Variants in MAPK8IP3 observed in about 807,000 individuals in gnomAD.
The protein encoded by MAPK8IP3 is mitogen-activated protein kinase 8 interacting protein 3.
MAPK8IP3 carries 49 observed loss-of-function variants against 157.8 expected under a neutral mutation model. The observed-to-expected ratio is 0.31, with a 90% CI of 0.25 to 0.39. The LOEUF (loss-of-function observed/expected upper bound fraction) is 0.39. MAPK8IP3 is among the 10% of genes least tolerant of loss of function. The pLI is 1.00. For missense variants in MAPK8IP3, 1,478 were observed against 1,889.4 expected, an observed-to-expected ratio of 0.78 and a Z score of 4.04; for synonymous variants, 897 against 777.7, an observed-to-expected ratio of 1.15 and a Z score of -2.55.
At chr16:1,761,188 G>A (rs1226541167) in intron 12 of MAPK8IP3, 36 bp from the exon 13 acceptor site, 1 of 1,562,462 alleles carries the variant, frequency 6.4e-7, no homozygotes, top group African/African-American at 1.4e-5. Flanking sequence ...CCCCTGGGAG[G>A]CCCTCACCCT....
In MAPK8IP3 at chr16:1,766,705, C is replaced by T. The variant is rs764356723; in HGVS notation, c.2940-18C>T. The T allele has an allele frequency of 1.6e-5, 26 of 1,612,648 alleles. No individual in the cohort carries two copies. Among genetic ancestry groups the T allele is most frequent in the Non-Finnish European group, 1.9e-5 (23 of 1,179,904 alleles). ...GGTCCTGGGTGAGCCCCTCGCCCATCGCCGCTTCCTTCCCTAGGCTCTATG... is the reference window on the plus strand; with the variant it reads ...GGTCCTGGGTGAGCCCCTCGCCCATTGCCGCTTCCTTCCCTAGGCTCTATG... On this transcript the variant is annotated intron_variant, in intron 23 of 31. Transcript: ENST00000610761.
intron 8 of MAPK8IP3, chr16:1,752,232 CTCATACCA>C (rs1272992643): frequency 6.0e-6 from 1 of 166,620 alleles, no homozygotes; most frequent in African/African-American, 2.4e-5. Context: ...CAGTCCTTTT[CTCATACCA>C]CGATGGAGGC....
chr16:1,725,496 G>A (rs991032441), intron 2 of MAPK8IP3, among the ~76,000 whole-genome samples: 9 of 151,488 alleles, frequency 5.9e-5, no homozygotes, highest in Non-Finnish European at 1.2e-4. Context: ...GCATGGTGGC[G>A]GGCGCCTGTA....
intron 1 of MAPK8IP3, among the ~76,000 whole-genome samples, chr16:1,716,269 G>T (rs2038142676): frequency 1.3e-5 from 2 of 150,860 alleles, no homozygotes; most frequent in Admixed American, 6.6e-5. Flanking sequence ...AACTGGCTTG[G>T]ATTACTAGAT....
intron 20 of MAPK8IP3, among the ~76,000 whole-genome samples, chr16:1,765,408 A>C (rs1356095608): frequency 6.6e-6 from 1 of 152,120 alleles, no homozygotes; most frequent in Non-Finnish European, 1.5e-5. Context: ...TCAGGACCCC[A>C]CGCTTACCTG....
chr16:1,730,958 G>A (rs914788217), intron 4 of MAPK8IP3, among the ~76,000 whole-genome samples: 4 of 151,688 alleles, frequency 2.6e-5, no homozygotes, highest in East Asian at 1.9e-4. Flanking sequence ...TGGCCAACAC[G>A]GTGAAACCCC....
chr16:1,763,518 C>A, intron 16 of MAPK8IP3, 139 bp from the exon 17 acceptor site: 2 of 1,249,806 alleles, frequency 1.6e-6, no homozygotes, highest in South Asian at 1.9e-5. Context: ...CCCTTCCCAG[C>A]TGGGCACCCG....
chr16:1,729,656 T>C, intron 4 of MAPK8IP3, 78 bp downstream of exon 4: 1 of 1,344,644 alleles, frequency 7.4e-7, no homozygotes, highest in Non-Finnish European at 1.0e-6. Context: ...CATGCCAGGG[T>C]CGTAGTGCTT....
rs560303108 is a variant in MAPK8IP3 at position 1,737,972 on chromosome 16, G to A, written c.603-5360G>A. Among the ~76,000 whole-genome samples the A allele has an allele frequency of 7.0e-4, 58 of 82,358 alleles. 2 individuals carry two copies. Among genetic ancestry groups the A allele is most frequent in the Non-Finnish European group, 1.2e-3 (49 of 42,146 alleles). The allele number at this position is 82,358 out of a possible 152,430, so 54.0% of individuals were successfully genotyped here. A position where few individuals can be genotyped will look rare whatever the true frequency, so the allele number is the denominator to read the frequency against. Reference sequence around the variant, plus strand: ...TGTCCGTGTGAGCGTCCGTGTGAGCGTGTGACCGTCCGTGTGACCATCCAT... The same window carrying A: ...TGTCCGTGTGAGCGTCCGTGTGAGCATGTGACCGTCCGTGTGACCATCCAT... On this transcript the variant is annotated intron_variant, in intron 4 of 31. Transcript: ENST00000610761.
chr16:1,729,186 C>A lies in MAPK8IP3; in HGVS notation c.488C>A (p.Ala163Asp). ...RESEMKKEYNALHQRHTEMIQ... is the reference protein window; with the variant it reads ...RESEMKKEYNDLHQRHTEMIQ... ...TCGGAGATGAAGAAGGAGTACAATGCCCTGCACCAGCGGCACACAGAGGTG... is the reference window on the plus strand; with the variant it reads ...TCGGAGATGAAGAAGGAGTACAATGACCTGCACCAGCGGCACACAGAGGTG... Residue 163 changes from alanine to aspartate, a missense_variant, in exon 3 of 32, where the codon GCC becomes GAC. This residue lies in a region of MAPK8IP3 where 315 missense variants were observed against 394.4 expected (regional missense o/e 0.80). Transcript: ENST00000610761. The A allele has an allele frequency of 1.2e-6, 2 of 1,613,984 alleles. No individual in the cohort carries two copies. The highest frequency in any genetic ancestry group is 1.7e-6 in the Non-Finnish European group (2 of 1,180,016).
In MAPK8IP3 at chr16:1,743,802, A is replaced by C; in HGVS notation, c.747+326A>C. ...GGTTGAGCTTAGTGATCCTCTCTCA[A>C]ACCACACCCCCACATAAAGCCTCAT... is the stretch of plus-strand genomic sequence containing the variant. On this transcript the variant is annotated intron_variant, in intron 5 of 31. Coordinates refer to ENST00000610761, the MANE Select transcript of MAPK8IP3 (RefSeq NM_001318852.2). This position sits in a 1 kb window ranked among gnomAD's most constrained non-coding sequence, Gnocchi z 5.6. 1 of 1,226,664 alleles carries C rather than the reference A, an allele frequency of 8.2e-7. No individual in the cohort carries two copies. 76.0% of individuals were successfully genotyped at this position (1,226,664 alleles called of 1,614,324 possible).
Position 1,767,305 on chromosome 16 carries a change from C to A in MAPK8IP3, c.3237+8C>A, listed in dbSNP as rs1208157995. 6.2e-7 allele frequency: 1 copy of A among 1,612,576 alleles called. No individual in the cohort carries two copies. Among genetic ancestry groups the A allele is most frequent in the Admixed American group, 1.7e-5 (1 of 60,010 alleles). The stretch of plus-strand genomic sequence containing the variant: ...AAGACCATGCAGATAGAGGCGAGTG[C>A]CGGCCAGGGCCCCGGGGAGGGGAAG... On this transcript the variant is annotated splice_region_variant and intron_variant, in intron 26 of 31. Coordinates refer to ENST00000610761, the MANE Select transcript of MAPK8IP3 (RefSeq NM_001318852.2).
In MAPK8IP3 at chr16:1,724,636, C is replaced by T. The variant is rs373144666; in HGVS notation, c.398C>T (p.Thr133Met). The change falls in exon 2 of 32, where the codon ACG becomes ATG. Residue 133 changes from threonine (T) to methionine (M), a missense_variant. Coordinates refer to ENST00000610761, the MANE Select transcript of MAPK8IP3 (RefSeq NM_001318852.2). This position sits in a 1 kb window ranked among gnomAD's most constrained non-coding sequence, Gnocchi z 4.1. ...QIQVEHYEFQ[T>M]RQLELKAKNY... is the part of the protein sequence containing the mutation. ...CAGGTGGAGCACTACGAGTTCCAGA[C>T]GCGCCAGCTGGAGCTGAAGGCCAAG... 6.4e-5 allele frequency: 103 copies of T among 1,613,518 alleles called. No homozygotes were observed. The highest frequency in any genetic ancestry group is 2.4e-4 in the African/African-American group (18 of 74,960).
Position 1,769,552 on chromosome 16 carries a change from G to T in MAPK8IP3, c.*728G>T, listed in dbSNP as rs1428576664. 1.3e-5 allele frequency: 2 copies of T among 152,520 alleles called. No homozygotes were observed. Among genetic ancestry groups the T allele is most frequent in the African/African-American group, 4.8e-5 (2 of 41,454 alleles). The allele number at this position is 152,520 out of a possible 1,614,324, so 9.4% of individuals were successfully genotyped here. On this transcript the variant is annotated 3_prime_UTR_variant, in exon 32 of 32. Coordinates refer to ENST00000610761, the MANE Select transcript of MAPK8IP3 (RefSeq NM_001318852.2). ...CCCCGTTCTGACCCGTGTCCCCCCA[G>T]GCTCTGCCTGGGCAGAAGACTCACC...
intron 8 of MAPK8IP3, among the ~76,000 whole-genome samples, chr16:1,753,273 T>C (rs2041398470): frequency 1.3e-5 from 2 of 152,022 alleles, no homozygotes; most frequent in South Asian, 4.1e-4. Flanking sequence ...TTTTAAGACT[T>C]TTTTGTTTGT....
chr16:1,750,327 C>G (rs886741398), intron 8 of MAPK8IP3, among the ~76,000 whole-genome samples: 1 of 152,026 alleles, frequency 6.6e-6, no homozygotes, highest in Non-Finnish European at 1.5e-5. Flanking sequence ...ATTCTCCTGT[C>G]TCCGCCTCCC....
At chr16:1,768,003 G>A in intron 28 of MAPK8IP3, 66 bp from the exon 29 acceptor site, 1 of 1,609,660 alleles carries the variant, frequency 6.2e-7, no homozygotes. Flanking sequence ...GGCCACCTTG[G>A]AGGGTGCCTT....
chr16:1,736,607 C>T (rs1358585417), intron 4 of MAPK8IP3, among the ~76,000 whole-genome samples: 27 of 42,680 alleles, frequency 6.3e-4, no homozygotes, highest in Admixed American at 9.5e-4. Flanking sequence ...TGTGAGCATC[C>T]GTGTGACCGT....
Position 1,724,448 on chromosome 16 carries a change from G to A in MAPK8IP3, c.319-109G>A, listed in dbSNP as rs1024924997. 8.1e-5 allele frequency: 116 copies of A among 1,434,872 alleles called. No homozygotes were observed. The highest frequency in any genetic ancestry group is 6.9e-5 in the Non-Finnish European group (74 of 1,065,486). The allele number at this position is 1,434,872 out of a possible 1,614,324, so 88.9% of individuals were successfully genotyped here. A position where few individuals can be genotyped will look rare whatever the true frequency, so the allele number is the denominator to read the frequency against. Reference sequence around the variant, plus strand: ...TGGCCATGGGCCAGCTTGTGGCCCTGGGGACATCTTTGGCCCCTGGGCCCT... The same window carrying A: ...TGGCCATGGGCCAGCTTGTGGCCCTAGGGACATCTTTGGCCCCTGGGCCCT... On this transcript the variant is annotated intron_variant, in intron 1 of 31. Coordinates refer to ENST00000610761, the MANE Select transcript of MAPK8IP3 (RefSeq NM_001318852.2). This position sits in a 1 kb window ranked among gnomAD's most constrained non-coding sequence, Gnocchi z 4.1.
Sources: gnomAD v4.1 joint callset for allele counts (sites outside exome capture counted in the v4.1 genomes callset) on GRCh38, gnomAD v4.1.1 for gene constraint, gnomAD v4.1.1 regional missense constraint, Gnocchi (gnomAD v3.1) non-coding constraint, MANE v1.5 for transcripts, NCBI Gene and HGNC (gene_info 2026-07-23, HGNC 2026-07-21) for gene names.